The following AGAP2 variants were observed in gnomAD, a reference collection of about 807,000 sequenced individuals.
AGAP2 encodes ArfGAP with GTPase domain, ankyrin repeat and PH domain 2, also known as arf-GAP with GTPase, ANK repeat and PH domain-containing protein 2.
In AGAP2, 32 loss-of-function variants were observed where a neutral mutation model predicts 110.9. The ratio of observed to expected loss-of-function variants is 0.29; its 90% CI spans 0.22 to 0.39. The LOEUF (loss-of-function observed/expected upper bound fraction) is 0.39, where lower values mean the gene tolerates loss of function less well. AGAP2 is among the 10% of genes least tolerant of loss of function. The pLI, the probability that AGAP2 is intolerant of heterozygous loss-of-function variation, is 1.00. For synonymous variants in AGAP2, 702 were observed against 713.0 expected (o/e 0.98, Z 0.25); for missense variants, 1,285 against 1,638.5 (o/e 0.78, Z 3.72).
In AGAP2 at chr12:57,730,828, G is replaced by T; in HGVS notation, c.2271C>A (p.Val757=). The change falls in exon 11 of 19, where the codon GTC becomes GTA. Residue 757 remains valine, a synonymous_variant. Coordinates refer to ENST00000547588, the MANE Select transcript of AGAP2 (RefSeq NM_001122772.3). ...CCATCTGGACAGTGCTCATGTCCTT[G>T]ACGAGCCCGTTAATGCTGGCTGAGG... ...FGPSASINGL[V]KDMSTVQMGE... The T allele has an allele frequency of 1.2e-6, 2 of 1,614,042 alleles. No homozygotes were observed. Among genetic ancestry groups the T allele is most frequent in the East Asian group, 4.5e-5 (2 of 44,886 alleles).
intron 1 of AGAP2, among the ~76,000 whole-genome samples, chr12:57,736,014 C>T (rs939619413): frequency 2.0e-5 from 3 of 152,234 alleles, no homozygotes; most frequent in Admixed American, 6.5e-5. Flanking sequence ...CCCACAAACG[C>T]CCTCCAAAAG....
At chr12:57,739,617 T>G (rs987883445), upstream of AGAP2, 6 of 152,270 alleles carry the variant, frequency 3.9e-5, no homozygotes, top group African/African-American at 1.2e-4. Flanking sequence ...GCATCCAGTC[T>G]CCATAGCAAC....
chr12:57,737,338 A>G lies in AGAP2; in HGVS notation c.909T>C (p.Thr303=). ...LTLPPTPSPA[T]AVTAASAQPP... is the part of the protein sequence containing the mutation. ...GCTGCGCGGAAGCAGCGGTGACAGC[A>G]GTGGCTGGACTCGGAGTTGGTGGGA... The change falls in exon 1 of 19, where the codon ACT becomes ACC. Residue 303 remains threonine (T), a synonymous_variant. Transcript: ENST00000547588. The surrounding 1 kb of genome is among the most constrained non-coding windows in gnomAD (Gnocchi z 5.9). The G allele has an allele frequency of 6.2e-7, 1 of 1,613,824 alleles. No individual in the cohort carries two copies. The highest frequency in any genetic ancestry group is 8.5e-7 in the Non-Finnish European group (1 of 1,179,814).
rs758136320 is a variant in AGAP2 at position 57,737,097 on chromosome 12, C to A, written c.1150G>T (p.Glu384Ter). 1 of 1,549,258 alleles carries A rather than the reference C, an allele frequency of 6.5e-7. No homozygotes were observed. The highest frequency in any genetic ancestry group is 8.7e-7 in the Non-Finnish European group (1 of 1,148,506). Residue 384 changes from glutamate (E) to a stop codon, truncating the protein, a stop_gained, in exon 1 of 19, where the codon GAG (glutamate) becomes TAG (stop). Transcript: ENST00000547588. LOFTEE classifies it high-confidence loss of function. The surrounding 1 kb of genome is among the most constrained non-coding windows in gnomAD (Gnocchi z 5.9). Reference sequence around the variant, plus strand: ...AACTCACTAGGGGAAGCGCGGAGCTCGGCGCCCAGCAGCTCCCTGGACCCG... The same window carrying A: ...AACTCACTAGGGGAAGCGCGGAGCTAGGCGCCCAGCAGCTCCCTGGACCCG... Reference protein sequence around the residue: ...GSGSRELLGAELRASPKAVIN... With the variant: ...GSGSRELLGA
At position 57,725,848 on chromosome 12, in the gene AGAP2, T is replaced by G. The variant is rs1954752644; in HGVS notation, c.*704A>C. On this transcript the variant is annotated 3_prime_UTR_variant, in exon 19 of 19. Coordinates refer to ENST00000547588, the MANE Select transcript of AGAP2 (RefSeq NM_001122772.3). ...CCGCTCCTGCTCCATCCCTTCTCCC[T>G]CCCAAGATAGTAGTGGGAGGGACCC... is the stretch of plus-strand genomic sequence containing the variant. 6.8e-6 allele frequency: 1 copy of G among 147,736 alleles called. No individual in the cohort carries two copies. Among genetic ancestry groups the G allele is most frequent in the Admixed American group, 6.7e-5 (1 of 14,896 alleles). The allele number at this position is 147,736 out of a possible 1,614,324, so 9.2% of individuals were successfully genotyped here.
Position 57,738,361 on chromosome 12 carries a change from C to G in AGAP2, c.-115G>C. On this transcript the variant is annotated 5_prime_UTR_variant, in exon 1 of 19. Coordinates refer to ENST00000547588, the MANE Select transcript of AGAP2 (RefSeq NM_001122772.3). The surrounding 1 kb of genome is among the most constrained non-coding windows in gnomAD (Gnocchi z 6.7). ...CCCCCAGCCCCCGGACCCCGCTGAG[C>G]CCCCGGCCCGGCTCCGCTGTCGCCG... is the stretch of plus-strand genomic sequence containing the variant. 8.1e-7 allele frequency: 1 copy of G among 1,231,452 alleles called. No homozygotes were observed. Among genetic ancestry groups the G allele is most frequent in the Non-Finnish European group, 1.0e-6 (1 of 980,864 alleles). The allele number at this position is 1,231,452 out of a possible 1,614,324, so 76.3% of individuals were successfully genotyped here. A position where few individuals can be genotyped will look rare whatever the true frequency, so the allele number is the denominator to read the frequency against.
chr12:57,731,019 A>C, intron 10 of AGAP2, 66 bp from the exon 11 acceptor site: 1 of 1,441,878 alleles, frequency 6.9e-7, no homozygotes, highest in Non-Finnish European at 9.1e-7. Flanking sequence ...GAAGCAGTCA[A>C]CATGGTACAG....
At position 57,734,348 on chromosome 12, in the gene AGAP2, G is replaced by A. The variant is rs772467140; in HGVS notation, c.1372C>T (p.Arg458Ter). The change falls in exon 4 of 19, where the codon CGA (arginine) becomes TGA (stop). Residue 458 changes from arginine to a stop codon, truncating the protein, a stop_gained. Transcript: ENST00000547588. LOFTEE classifies it high-confidence loss of function. ...GCATCAGGTGCCCCAGCTTCCTCTC[G>A]GATTAGCACCAGATGTGTCTGTCCA... The part of the protein sequence containing the change: ...VDGQTHLVLI[R>*]EEAGAPDAKF... 6.2e-7 allele frequency: 1 copy of A among 1,614,134 alleles called. No individual in the cohort carries two copies.
chr12:57,728,150 A>G, intron 14 of AGAP2, 65 bp from the exon 15 acceptor site: 1 of 1,549,588 alleles, frequency 6.5e-7, no homozygotes. Flanking sequence ...CTTTCCCAAG[A>G]CCGTCCTCCC....
chr12:57,728,675 C>A (rs1954822791), intron 13 of AGAP2, among the ~76,000 whole-genome samples: 2 of 152,094 alleles, frequency 1.3e-5, no homozygotes, highest in Non-Finnish European at 2.9e-5. Context: ...CAGCGAGGAG[C>A]TGGACCTCTG....
At chr12:57,728,109 C>T in intron 14 of AGAP2, 24 bp from the exon 15 acceptor site, 1 of 1,571,816 alleles carries the variant, frequency 6.4e-7, no homozygotes, top group Middle Eastern at 1.7e-4. Context: ...GGGATGGGGT[C>T]ATTAAGGGAC....
chr12:57,726,614 GGCTGGGCGTGGCGGTGAT>G lies in AGAP2; in HGVS notation c.3499_3516del (p.Ile1167_Ser1172del), dbSNP rs1954767548. 3.3e-6 allele frequency: 4 copies of G among 1,200,132 alleles called. No homozygotes were observed. Among genetic ancestry groups the G allele is most frequent in the Admixed American group, 4.5e-5 (1 of 22,468 alleles). The allele number at this position is 1,200,132 out of a possible 1,614,324, so 74.3% of individuals were successfully genotyped here. A position where few individuals can be genotyped will look rare whatever the true frequency, so the allele number is the denominator to read the frequency against. On this transcript the variant is annotated inframe_deletion, in exon 19 of 19. Coordinates refer to ENST00000547588, the MANE Select transcript of AGAP2 (RefSeq NM_001122772.3). The surrounding 1 kb of genome is among the most constrained non-coding windows in gnomAD (Gnocchi z 5.7). ...CTAGCGGCGCTGCTCCGGCGGCGGG[GGCTGGGCGTGGCGGTGAT>G]GCTGGGCGTGGTGGCCGCGCTGGGC...
intron 2 of AGAP2, 94 bp downstream of exon 2, chr12:57,735,269 AAGAGAG>A: frequency 6.4e-6 from 7 of 1,098,696 alleles, no homozygotes; most frequent in Non-Finnish European, 8.1e-6. Flanking sequence ...CCTATTCCCA[AAGAGAG>A]AGAGAGAGAG....
chr12:57,734,171 G>A lies in AGAP2; in HGVS notation c.1404C>T (p.Phe468=), dbSNP rs751433735. 2.5e-6 allele frequency: 4 copies of A among 1,608,976 alleles called. No homozygotes were observed. The change falls in exon 5 of 19, where the codon TTC becomes TTT. Residue 468 remains phenylalanine (F), a splice_region_variant and synonymous_variant. Coordinates refer to ENST00000547588, the MANE Select transcript of AGAP2 (RefSeq NM_001122772.3). The part of the protein sequence containing the change: ...REEAGAPDAK[F]SGWADAVIFV... The stretch of plus-strand genomic sequence containing the variant: ...AGATCACAGCATCTGCCCAGCCTGA[G>A]AACTTGCGGGGAGTGAGGGAGCAAA...
intron 17 of AGAP2, 21 bp downstream of exon 17, chr12:57,727,339 G>A: frequency 1.2e-6 from 2 of 1,605,360 alleles, no homozygotes; most frequent in Non-Finnish European, 1.7e-6. Context: ...CCCTCCCCCC[G>A]CTCTGTTCCC....
intron 16 of AGAP2, 33 bp from the exon 17 acceptor site, chr12:57,727,615 C>G: frequency 6.3e-6 from 10 of 1,591,980 alleles, no homozygotes; most frequent in Non-Finnish European, 8.5e-6. Context: ...GGCTCCCAGC[C>G]GGGCAGCACA....
rs534158156 is a variant in AGAP2, at chr12:57,731,902, G to A, written c.1860C>T (p.His620=). The change falls in exon 8 of 19, where the codon CAC becomes CAT. Residue 620 remains histidine (H), a synonymous_variant. Transcript: ENST00000547588. ...SSLPSSPNVG[H]RELRAEAAAV... ...CAGCTGCCTCGGCTCGGAGCTCCCG[G>A]TGACCAACATTCGGTGAGGACGGGA... 6.2e-7 allele frequency: 1 copy of A among 1,613,204 alleles called. No homozygotes were observed. Among genetic ancestry groups the A allele is most frequent in the Admixed American group, 1.7e-5 (1 of 59,948 alleles).
chr12:57,737,914 G>A lies in AGAP2; in HGVS notation c.333C>T (p.Arg111=), dbSNP rs1429687807. The change falls in exon 1 of 19, where the codon CGC becomes CGT. Residue 111 remains arginine (R), a synonymous_variant. Coordinates refer to ENST00000547588, the MANE Select transcript of AGAP2 (RefSeq NM_001122772.3). The surrounding 1 kb of genome is among the most constrained non-coding windows in gnomAD (Gnocchi z 5.9). ...ARPVSPAPGR[R]LSLWAVPPGP... ...CCGGAGGGACGGCCCAGAGGGAGAG[G>A]CGGCGGCCGGGAGCGGGGGAGACTG... 9 of 1,391,862 alleles carry A rather than the reference G, an allele frequency of 6.5e-6. No individual in the cohort carries two copies. Among genetic ancestry groups the A allele is most frequent in the Middle Eastern group, 2.5e-4 (1 of 3,926 alleles). The allele number at this position is 1,391,862 out of a possible 1,614,324, so 86.2% of individuals were successfully genotyped here.
At position 57,726,242 on chromosome 12, in the gene AGAP2, C is replaced by A. The variant is rs762113393; in HGVS notation, c.*310G>T. ...GGGGGCACAAGCGGGCATGTCCAAG[C>A]GCCTAGGAGCCCGTACCGCTGGGGA... On this transcript the variant is annotated 3_prime_UTR_variant, in exon 19 of 19. Transcript: ENST00000547588. This position sits in a 1 kb window ranked among gnomAD's most constrained non-coding sequence, Gnocchi z 5.7. 1.7e-4 allele frequency: 33 copies of A among 188,992 alleles called. No homozygotes were observed. The highest frequency in any genetic ancestry group is 2.7e-4 in the Non-Finnish European group (25 of 91,404). 11.7% of individuals were successfully genotyped at this position (188,992 alleles called of 1,614,324 possible). A position where few individuals can be genotyped will look rare whatever the true frequency, so the allele number is the denominator to read the frequency against.
Sources: allele counts gnomAD v4.1 joint callset (sites outside exome capture counted in the v4.1 genomes callset), GRCh38; gene constraint gnomAD v4.1.1; non-coding constraint Gnocchi (gnomAD v3.1); transcripts MANE v1.5; gene names NCBI Gene and HGNC (gene_info 2026-07-23, HGNC 2026-07-21).